The following EP300 variants were observed in gnomAD, a reference collection of about 807,000 sequenced individuals.
EP300 encodes histone acetyltransferase p300.
A neutral mutation model predicts 264.0 loss-of-function variants in EP300; 31 were observed. The observed-to-expected ratio is 0.12, with a 90% CI of 0.09 to 0.16. The LOEUF is 0.16. EP300 is among the 10% of genes least tolerant of loss of function. The pLI is 1.00. For missense variants in EP300, 2,766 were observed against 3,052.9 expected, an observed-to-expected ratio of 0.91 and a Z score of 2.21; for synonymous variants, 1,340 against 1,045.4, an observed-to-expected ratio of 1.28 and a Z score of -5.44.
intron 7 of EP300, among the ~76,000 whole-genome samples, 191 bp from the exon 8 acceptor site, chr22:41,137,461 AC>A (rs1486454202): frequency 6.6e-6 from 1 of 151,932 alleles, no homozygotes; most frequent in Non-Finnish European, 1.5e-5. Context: ...AATACAACTT[AC>A]CCTCACACAG....
At chr22:41,113,622 C>G (rs1200201996) in intron 1 of EP300, among the ~76,000 whole-genome samples, 1 of 152,206 alleles carries the variant, frequency 6.6e-6, no homozygotes, top group Non-Finnish European at 1.5e-5. Context: ...TCTCGGCTCA[C>G]TGCAAACTCT....
intron 2 of EP300, among the ~76,000 whole-genome samples, chr22:41,120,358 G>A (rs997671568): frequency 6.6e-6 from 1 of 152,048 alleles, no homozygotes; most frequent in Admixed American, 6.5e-5. Flanking sequence ...GCACACCCAC[G>A]CCAGCAGTTG....
At chr22:41,164,221 C>A in intron 22 of EP300, 91 bp downstream of exon 22, 2 of 1,166,298 alleles carry the variant, frequency 1.7e-6, no homozygotes, top group South Asian at 1.2e-5. Flanking sequence ...TGTATTATAT[C>A]TTCAAAGTTA....
chr22:41,147,713 G>A, intron 11 of EP300, 124 bp from the exon 12 acceptor site: 1 of 724,498 alleles, frequency 1.4e-6, no homozygotes, highest in Non-Finnish European at 2.4e-6. Context: ...ACTCCAGCCT[G>A]GGCGACAGAG....
At chr22:41,147,619 T>A (rs1280840526) in intron 11 of EP300, among the ~76,000 whole-genome samples, 1 of 151,958 alleles carries the variant, frequency 6.6e-6, no homozygotes, top group Non-Finnish European at 1.5e-5. Context: ...ACGCCTGTAG[T>A]CCCAGCTACT....
intron 10 of EP300, chr22:41,146,510 A>G (rs561529202): frequency 3.7e-6 from 2 of 533,728 alleles, no homozygotes; most frequent in East Asian, 6.7e-5. Context: ...CATTGAAAGC[A>G]CCCGGGCTCA....
chr22:41,154,376 CTTTTTTTTTTTTTTTTTTT>C lies in EP300; in HGVS notation c.3143-614_3143-596del, dbSNP rs869304891. On this transcript the variant is annotated intron_variant, in intron 16 of 30. Transcript: ENST00000263253. ...TCTTAACACGAGTATCTTGTGCACT[CTTTTTTTTTTTTTTTTTTT>C]TTTTGAGATGGGGCCTCATTCTGTT... Among the ~76,000 whole-genome samples, 9 of 61,792 alleles carry C rather than the reference CTTTTTTTTTTTTTTTTTTT, an allele frequency of 1.5e-4. No homozygotes were observed. The Admixed American group carries it at 2.4e-3, about 17-fold the overall frequency. 40.5% of individuals were successfully genotyped at this position (61,792 alleles called of 152,430 possible). A position where few individuals can be genotyped will look rare whatever the true frequency, so the allele number is the denominator to read the frequency against.
chr22:41,149,588 G>A (rs932273557), intron 13 of EP300, among the ~76,000 whole-genome samples, 173 bp from the exon 14 acceptor site: 1 of 152,070 alleles, frequency 6.6e-6, no homozygotes, highest in Admixed American at 6.5e-5. Context: ...TATCTTGATG[G>A]TGCTGTCCAA....
chr22:41,167,576 GTGTGTGTGTATATATATATA>G (rs1281711484), intron 23 of EP300, among the ~76,000 whole-genome samples: 21 of 29,526 alleles, frequency 7.1e-4, no homozygotes, highest in African/African-American at 2.5e-3. Context: ...GTGTGTGTGT[GTGTGTGTGTATATATATATA>G]TATATATATA....
In EP300 at chr22:41,146,817, G is replaced by A. The variant is rs1555909209; in HGVS notation, c.2131+1G>A. On this transcript the variant is annotated splice_donor_variant, in intron 11 of 30. Coordinates refer to ENST00000263253, the MANE Select transcript of EP300 (RefSeq NM_001429.4). LOFTEE classifies it high-confidence loss of function. ...ATGCCTCGAATAACTCCACAATCTG[G>A]TAAATAGTGAAAAAAATTTTTTTAT... The A allele has an allele frequency of 6.2e-7, 1 of 1,613,770 alleles. No homozygotes were observed. Among genetic ancestry groups the A allele is most frequent in the South Asian group, 1.1e-5 (1 of 91,048 alleles).
chr22:41,139,697 TTTTG>T (rs1261179615), intron 8 of EP300, among the ~76,000 whole-genome samples: 1 of 152,196 alleles, frequency 6.6e-6, no homozygotes, highest in East Asian at 1.9e-4. Flanking sequence ...GTTTTTGGTT[TTTTG>T]TTTGTTTTTT....
At chr22:41,157,085 A>G (rs1359557160) in intron 17 of EP300, 84 bp from the exon 18 acceptor site, 3 of 1,570,370 alleles carry the variant, frequency 1.9e-6, no homozygotes, top group African/African-American at 1.4e-5. Context: ...CTGCCTGGAA[A>G]ATTAACAATG....
chr22:41,139,857 T>C (rs1053914474), intron 8 of EP300, among the ~76,000 whole-genome samples: 10 of 152,234 alleles, frequency 6.6e-5, no homozygotes, highest in Admixed American at 1.3e-4. Flanking sequence ...AGGCCTGTTT[T>C]CCTCACTGTC....
At chr22:41,167,652 GGTTTTTT>G (rs1248357426) in intron 23 of EP300, among the ~76,000 whole-genome samples, 1 of 102,178 alleles carries the variant, frequency 9.8e-6, no homozygotes, top group Non-Finnish European at 1.9e-5. Flanking sequence ...TGGTTGGTTG[GGTTTTTT>G]GTTTTTTGGA....
At chr22:41,142,331 A>G (rs1418845284) in intron 10 of EP300, among the ~76,000 whole-genome samples, 1 of 152,146 alleles carries the variant, frequency 6.6e-6, no homozygotes, top group Non-Finnish European at 1.5e-5. Flanking sequence ...TGAAGTAGTA[A>G]AGTAGAGAAC....
chr22:41,093,206 C>G, intron 1 of EP300, 108 bp downstream of exon 1: 3 of 1,119,010 alleles, frequency 2.7e-6, no homozygotes, highest in Admixed American at 2.3e-5. Context: ...TTCCCTGCCC[C>G]TTAATTAATT....
intron 10 of EP300, among the ~76,000 whole-genome samples, chr22:41,143,543 T>G (rs1192617913): frequency 1.3e-5 from 2 of 152,184 alleles, no homozygotes; most frequent in Non-Finnish European, 2.9e-5. Context: ...CTCATCTTCA[T>G]GTTTCTTTAA....
chr22:41,166,395 TTTC>T (rs751615011), intron 22 of EP300, among the ~76,000 whole-genome samples: 3 of 152,210 alleles, frequency 2.0e-5, no homozygotes, highest in Non-Finnish European at 2.9e-5. Context: ...GCCCTTCATG[TTTC>T]TTCATGTCTG....
intron 6 of EP300, among the ~76,000 whole-genome samples, chr22:41,133,431 A>C (rs879533102): frequency 6.6e-6 from 1 of 151,848 alleles, no homozygotes; most frequent in African/African-American, 2.4e-5. Context: ...GATTACAGAC[A>C]TGAACCACTG....
Sources: gnomAD v4.1 joint callset for allele counts (sites outside exome capture counted in the v4.1 genomes callset) on GRCh38, gnomAD v4.1.1 for gene constraint, MANE v1.5 for transcripts, NCBI Gene and HGNC (gene_info 2026-07-23, HGNC 2026-07-21) for gene names.